Variants in DNAH14 observed in about 807,000 individuals in gnomAD.
DNAH14 encodes the protein dynein axonemal heavy chain 14.
DNAH14 carries 478 observed loss-of-function variants against 520.9 expected under a neutral mutation model. That is an observed-to-expected ratio of 0.92 (90% CI 0.85 to 0.99). The LOEUF (loss-of-function observed/expected upper bound fraction) is 0.99, where lower values mean the gene tolerates loss of function less well. Among genes scored for constraint, DNAH14 ranks in the 50% least tolerant of loss-of-function variants. The probability of loss-of-function intolerance (pLI) is 0.00; values close to 1 mark genes in which losing one functional copy is unlikely to be tolerated. For synonymous variants in DNAH14, 1,581 were observed against 1,757.2 expected (o/e 0.90, Z 2.51); for missense variants, 4,831 against 5,234.5 (o/e 0.92, Z 2.38).
chr1:225,329,898 C>T (rs2094756838), intron 64 of DNAH14, among the ~76,000 whole-genome samples: 1 of 152,080 alleles, frequency 6.6e-6, no homozygotes, highest in Non-Finnish European at 1.5e-5. Context: ...TTGCAAACTA[C>T]CCATCTGACA....
rs2087686669 is a variant in DNAH14 at position 225,207,179 on chromosome 1, C to T, written c.6398C>T (p.Ala2133Val). Residue 2133 changes from alanine to valine, a missense_variant, in exon 41 of 86, where the codon GCT becomes GTT. By Grantham distance (64) the Ala-to-Val change is moderately conservative (BLOSUM62 0). Transcript: ENST00000682510. ...ATAACCCTCTGCAGAATTCTTGATG[C>T]TTTCTTTGACTTCATGGGTAAAAAT... ...VVITLCRILDAFFDFMGKNGG... is the reference protein window; with the variant it reads ...VVITLCRILDVFFDFMGKNGG... The T allele has an allele frequency of 1.3e-6, 2 of 1,534,532 alleles. No individual in the cohort carries two copies. The highest frequency in any genetic ancestry group is 1.8e-6 in the Non-Finnish European group (2 of 1,139,692).
chr1:224,933,996 A>G (rs1571847248), intron 1 of DNAH14, among the ~76,000 whole-genome samples: 1 of 152,004 alleles, frequency 6.6e-6, no homozygotes, highest in Non-Finnish European at 1.5e-5. Flanking sequence ...AAGCCAAAGT[A>G]CCGTAACAGC....
intron 17 of DNAH14, among the ~76,000 whole-genome samples, chr1:225,071,969 G>A (rs192153540): frequency 3.9e-5 from 6 of 152,166 alleles, no homozygotes; most frequent in South Asian, 4.2e-4. Flanking sequence ...CCATATCACC[G>A]CCTTTAACAT....
intron 36 of DNAH14, among the ~76,000 whole-genome samples, chr1:225,177,536 G>T (rs2083461944): frequency 6.6e-6 from 1 of 152,162 alleles, no homozygotes; most frequent in Admixed American, 6.5e-5. Context: ...CACAGGCCTG[G>T]AGGCCTAGGA....
Position 225,231,058 on chromosome 1 carries a change from T to C in DNAH14, c.6440-15T>C, listed in dbSNP as rs1454259523. Reference sequence around the variant, plus strand: ...TCTGTTGTTAATTATGGAAAAATACTCTTTCCTTTTTAAGGTGATGATTTG... The same window carrying C: ...TCTGTTGTTAATTATGGAAAAATACCCTTTCCTTTTTAAGGTGATGATTTG... On this transcript the variant is annotated splice_polypyrimidine_tract_variant and intron_variant, in intron 41 of 85. Coordinates refer to ENST00000682510, the MANE Select transcript of DNAH14 (RefSeq NM_001367479.1). The C allele has an allele frequency of 1.3e-6, 2 of 1,539,746 alleles. No homozygotes were observed. Among genetic ancestry groups the C allele is most frequent in the Non-Finnish European group, 1.8e-6 (2 of 1,140,498 alleles).
At chr1:225,155,036 TCAACCCCA>T (rs1553482315) in intron 34 of DNAH14, among the ~76,000 whole-genome samples, 1 of 152,056 alleles carries the variant, frequency 6.6e-6, no homozygotes, top group Non-Finnish European at 1.5e-5. Context: ...GAAAATACAC[TCAACCCCA>T]CACGTAATGA....
intron 23 of DNAH14, among the ~76,000 whole-genome samples, chr1:225,101,486 T>C (rs3105572): frequency 0.26 from 39,548 of 152,008 alleles, 7,969 homozygotes; most frequent in African/African-American, 0.56. Flanking sequence ...TCAACCACTT[T>C]TTCTCTCTCC....
Position 225,002,767 on chromosome 1 carries a change from A to AT in DNAH14, c.831-10dup, listed in dbSNP as rs1312290236. 1.3e-6 allele frequency: 2 copies of AT among 1,546,852 alleles called. No homozygotes were observed. Among genetic ancestry groups the AT allele is most frequent in the African/African-American group, 2.7e-5 (2 of 72,782 alleles). On this transcript the variant is annotated splice_polypyrimidine_tract_variant and intron_variant, in intron 8 of 85. Coordinates refer to ENST00000682510, the MANE Select transcript of DNAH14 (RefSeq NM_001367479.1). Reference sequence around the variant, plus strand: ...TTGAATGAGAGATATATCTGTAGAAATTTTTTAACTTTCAGGTCATTTTTG... The same window carrying AT: ...TTGAATGAGAGATATATCTGTAGAAATTTTTTTAACTTTCAGGTCATTTTTG...
chr1:225,387,037 T>C (rs11578275), intron 81 of DNAH14, among the ~76,000 whole-genome samples: 77,075 of 151,806 alleles, frequency 0.51, 21,894 homozygotes, highest in East Asian at 0.74. Flanking sequence ...CACATATACA[T>C]CATGGAATAC....
At chr1:225,272,888 A>T in intron 51 of DNAH14, 67 bp from the exon 52 acceptor site, 1 of 1,401,266 alleles carries the variant, frequency 7.1e-7, no homozygotes, top group African/African-American at 1.5e-5. Context: ...GCAAAAATTG[A>T]GCCTTCGCTT....
chr1:225,042,901 CTA>C lies in DNAH14; in HGVS notation c.1557_1558del (p.Cys520LeufsTer6). Reference protein sequence around the residue: ...KTYAPIFEVNLCLRIPAESDS... With the variant: ...KTYAPIFEVNXCLRIPAESDS... ...ATATGCACCAATATTTGAAGTAAAT[CTA>C]TGCTTGAGAATTCCTGCTGAGAGTG... On this transcript the variant is annotated frameshift_variant, in exon 13 of 86. Transcript: ENST00000682510. LOFTEE classifies it high-confidence loss of function. 1 of 1,551,586 alleles carries C rather than the reference CTA, an allele frequency of 6.4e-7. No individual in the cohort carries two copies.
At chr1:225,132,186 AGTT>A (rs570312361) in intron 27 of DNAH14, among the ~76,000 whole-genome samples, 420 of 150,662 alleles carry the variant, frequency 2.8e-3, no homozygotes, top group Middle Eastern at 0.027. Context: ...ACCATTATCA[AGTT>A]GTTGTTTTTT....
At chr1:225,135,680 C>A (rs2078888281) in intron 27 of DNAH14, among the ~76,000 whole-genome samples, 1 of 151,938 alleles carries the variant, frequency 6.6e-6, no homozygotes, top group Admixed American at 6.6e-5. Context: ...TCTATTAGGT[C>A]CATTTAGTCA....
intron 10 of DNAH14, among the ~76,000 whole-genome samples, chr1:225,009,582 A>G (rs925398355): frequency 1.9e-4 from 29 of 152,202 alleles, no homozygotes; most frequent in African/African-American, 5.8e-4. Flanking sequence ...TGTCTTGGCT[A>G]TAAAGGCTCT....
In DNAH14 at chr1:225,185,378, C is replaced by A; in HGVS notation, c.5623C>A (p.Pro1875Thr). ...TTTGGAAAAAGCATTAACGCTATTA[C>A]CAATTGCAGACTTCTTATCAGTTGC... ...RILEKALTLL[P>T]IADFLSVAER... The change falls in exon 37 of 86, where the codon CCA (proline) becomes ACA (threonine). Residue 1875 changes from proline (P) to threonine (T), a missense_variant. Transcript: ENST00000682510. 6.5e-7 allele frequency: 1 copy of A among 1,543,798 alleles called. No homozygotes were observed. Among genetic ancestry groups the A allele is most frequent in the African/African-American group, 1.4e-5 (1 of 72,662 alleles).
chr1:224,976,428 C>A (rs1185604796), intron 8 of DNAH14, among the ~76,000 whole-genome samples: 1 of 152,066 alleles, frequency 6.6e-6, no homozygotes, highest in African/African-American at 2.4e-5. Context: ...TAGGCTTGGG[C>A]AAGGACTTCA....
At chr1:224,998,724 T>C (rs951410750) in intron 8 of DNAH14, among the ~76,000 whole-genome samples, 1 of 152,166 alleles carries the variant, frequency 6.6e-6, no homozygotes, top group East Asian at 1.9e-4. Context: ...TTGAAAAGAA[T>C]GTGTATTCTT....
intron 17 of DNAH14, among the ~76,000 whole-genome samples, chr1:225,070,744 G>A (rs1457371694): frequency 1.3e-5 from 2 of 152,040 alleles, no homozygotes; most frequent in South Asian, 2.1e-4. Flanking sequence ...TGCTGGGCTC[G>A]GGTTGTGAAT....
chr1:225,007,284 A>G (rs1311652774), intron 9 of DNAH14, 129 bp from the exon 10 acceptor site: 2 of 609,964 alleles, frequency 3.3e-6, no homozygotes, highest in East Asian at 4.7e-5. Flanking sequence ...CATGTAAGTC[A>G]TATAGGATAT....
Sources: allele counts gnomAD v4.1 joint callset (sites outside exome capture counted in the v4.1 genomes callset), GRCh38; gene constraint gnomAD v4.1.1; transcripts MANE v1.5; gene names NCBI Gene and HGNC (gene_info 2026-07-23, HGNC 2026-07-21).